The following SLC12A7 variants were observed in gnomAD, a reference collection of about 807,000 sequenced individuals.
SLC12A7 encodes the protein K-Cl cotransporter 4.
In SLC12A7, 100 loss-of-function variants were observed where a neutral mutation model predicts 120.6. The ratio of observed to expected loss-of-function variants is 0.83; its 90% CI spans 0.71 to 0.98. SLC12A7 has a LOEUF of 0.98. Among genes scored for constraint, SLC12A7 ranks in the 50% least tolerant of loss-of-function variants. The pLI is 0.00. For missense variants in SLC12A7, 1,373 were observed against 1,548.1 expected (o/e 0.89, Z 1.90); for synonymous variants, 760 against 678.0 (o/e 1.12, Z -1.88).
chr5:1,085,204 C>A, intron 7 of SLC12A7, 28 bp downstream of exon 7: 1 of 1,608,910 alleles, frequency 6.2e-7, no homozygotes, highest in East Asian at 2.2e-5. Context: ...CCCACACCCA[C>A]CCACGGCTCA....
At chr5:1,058,806 A>G (rs980485904) in intron 21 of SLC12A7, among the ~76,000 whole-genome samples, 7 of 152,138 alleles carry the variant, frequency 4.6e-5, no homozygotes, top group Admixed American at 3.3e-4. Flanking sequence ...CTCTCGGCAG[A>G]GCCAGCGCCG....
At chr5:1,078,110 C>T (rs370362789) in intron 11 of SLC12A7, 103 bp from the exon 12 acceptor site, 44 of 1,358,928 alleles carry the variant, frequency 3.2e-5, no homozygotes, top group African/African-American at 1.5e-4. Flanking sequence ...GCAGTGGGGG[C>T]GACTCCTTGG....
At chr5:1,094,090 T>C in intron 2 of SLC12A7, 64 bp downstream of exon 2, 10 of 1,385,792 alleles carry the variant, frequency 7.2e-6, no homozygotes, top group Non-Finnish European at 1.0e-5. Flanking sequence ...CCCCAGGGGC[T>C]CCTTTACTTT....
intron 15 of SLC12A7, among the ~76,000 whole-genome samples, chr5:1,074,930 C>T (rs1038100786): frequency 1.1e-4 from 16 of 145,790 alleles, no homozygotes; most frequent in Non-Finnish European, 1.7e-4. Flanking sequence ...CCTCACAGGA[C>T]GGGGGACAGG....
intron 14 of SLC12A7, chr5:1,075,743 G>A (rs531392989): frequency 2.4e-5 from 13 of 532,506 alleles, no homozygotes; most frequent in Non-Finnish European, 4.0e-5. Flanking sequence ...ACAGCACCTC[G>A]GCTGTGCATG....
chr5:1,090,913 G>C lies in SLC12A7; in HGVS notation c.343-1785C>G, dbSNP rs1579405421. Among the ~76,000 whole-genome samples the C allele has an allele frequency of 2.6e-5, 4 of 152,324 alleles. No homozygotes were observed. The South Asian group carries it at 8.3e-4, about 32-fold the overall frequency. ...GGGCCCTTGAAAAGGCTCCTCAATG[G>C]GAGCAGGTCTGCTGGGGATGAGCCT... On this transcript the variant is annotated intron_variant, in intron 3 of 23. Transcript: ENST00000264930.
intron 1 of SLC12A7, among the ~76,000 whole-genome samples, chr5:1,101,947 G>C (rs1742063385): frequency 6.6e-6 from 1 of 152,190 alleles, no homozygotes; most frequent in African/African-American, 2.4e-5. Context: ...CACTTCCCCA[G>C]CTCCCTCCCT....
At chr5:1,095,221 A>T (rs1256257248) in intron 1 of SLC12A7, among the ~76,000 whole-genome samples, 1 of 152,196 alleles carries the variant, frequency 6.6e-6, no homozygotes, top group Non-Finnish European at 1.5e-5. Context: ...GCCTTGGTCT[A>T]AGACTTTCAG....
intron 22 of SLC12A7, among the ~76,000 whole-genome samples, chr5:1,055,132 A>G (rs1258052300): frequency 1.3e-5 from 2 of 152,198 alleles, no homozygotes; most frequent in Non-Finnish European, 2.9e-5. Flanking sequence ...ACTAATGTGT[A>G]TACGCACACA....
At position 1,075,379 on chromosome 5, in the gene SLC12A7, C is replaced by T. The variant is rs759811627; in HGVS notation, c.1959G>A (p.Glu653=). ...LIAGCIYKYI[E]YRGAEKEWGD... ...GGGCTGACAGCGCTTACCCGCGGTA[C>T]TCGATGTACTTGTAGATGCAGCCAG... is the stretch of plus-strand genomic sequence containing the variant. Residue 653 remains glutamate (E), a synonymous_variant, in exon 15 of 24, where the codon GAG becomes GAA. Coordinates refer to ENST00000264930, the MANE Select transcript of SLC12A7 (RefSeq NM_006598.3). 8 of 1,611,452 alleles carry T rather than the reference C, an allele frequency of 5.0e-6. No homozygotes were observed. The South Asian group carries it at 8.8e-5, about 18-fold the overall frequency.
intron 14 of SLC12A7, 77 bp from the exon 15 acceptor site, chr5:1,075,567 T>G (rs1322018261): frequency 6.6e-7 from 1 of 1,526,398 alleles, no homozygotes; most frequent in Non-Finnish European, 8.8e-7. Context: ...ACACGGACAC[T>G]GCCCCTCCCT....
In SLC12A7 at chr5:1,077,890, C is replaced by G. The variant is rs545445568; in HGVS notation, c.1572G>C (p.Thr524=). The change falls in exon 12 of 24, where the codon ACG becomes ACC. Residue 524 remains threonine, a synonymous_variant. Coordinates refer to ENST00000264930, the MANE Select transcript of SLC12A7 (RefSeq NM_006598.3). The part of the protein sequence containing the change: ...STCGAGLQSL[T]GAPRLLQAIA... ...TGGCCTGCAGTAGGCGCGGTGCCCC[C>G]GTGAGGCTCTGCAGGCCGGCACCGC... 1 of 1,598,802 alleles carries G rather than the reference C, an allele frequency of 6.3e-7. No homozygotes were observed. Among genetic ancestry groups the G allele is most frequent in the East Asian group, 2.3e-5 (1 of 43,956 alleles).
chr5:1,097,658 G>A (rs527362410), intron 1 of SLC12A7, among the ~76,000 whole-genome samples: 236 of 152,260 alleles, frequency 1.5e-3, no homozygotes, highest in African/African-American at 4.9e-3. Context: ...TAACACAGAC[G>A]ATGAGTCCAG....
At position 1,065,419 on chromosome 5, in the gene SLC12A7, C is replaced by G. The variant is rs550543693; in HGVS notation, c.2301G>C (p.Ser767=). 6.2e-7 allele frequency: 1 copy of G among 1,611,978 alleles called. No individual in the cohort carries two copies. The highest frequency in any genetic ancestry group is 1.7e-5 in the Admixed American group (1 of 59,872). Residue 767 remains serine, a synonymous_variant, in exon 18 of 24, where the codon TCG becomes TCC. Coordinates refer to ENST00000264930, the MANE Select transcript of SLC12A7 (RefSeq NM_006598.3). Reference sequence around the variant, plus strand: ...GGGACATGCCATCCCGCAGGCTGGACGAGACCACCAGCTGGCAGAAGCCCT... The same window carrying G: ...GGGACATGCCATCCCGCAGGCTGGAGGAGACCACCAGCTGGCAGAAGCCCT... ...KTKGFCQLVV[S]SSLRDGMSHL... is the part of the protein sequence containing the mutation.
At chr5:1,140,100 C>A in the SLC12A7 span, among the ~76,000 whole-genome samples, 1 of 152,234 alleles carries the variant, frequency 6.6e-6, no homozygotes, top group South Asian at 2.1e-4. Flanking sequence ...GCCTTGGCCT[C>A]AACCAGCACC....
At chr5:1,081,862 G>C (rs1357507649) in intron 8 of SLC12A7, 118 bp from the exon 9 acceptor site, 31 of 1,210,662 alleles carry the variant, frequency 2.6e-5, no homozygotes, top group Non-Finnish European at 3.4e-5. Flanking sequence ...GTCACAGCTT[G>C]TGCGCCGCAA....
the SLC12A7 span, among the ~76,000 whole-genome samples, chr5:1,141,206 CTG>C: frequency 6.6e-6 from 1 of 152,232 alleles, no homozygotes; most frequent in East Asian, 1.9e-4. Flanking sequence ...CGTCCCTGCT[CTG>C]TGAGTGTCTA....
chr5:1,138,605 G>C, the SLC12A7 span, among the ~76,000 whole-genome samples: 1 of 152,170 alleles, frequency 6.6e-6, no homozygotes, highest in East Asian at 1.9e-4. Flanking sequence ...ACATAAACTG[G>C]GGCGACTTCA....
intron 23 of SLC12A7, 142 bp from the exon 24 acceptor site, chr5:1,052,593 G>C (rs900038983): frequency 7.4e-6 from 5 of 678,206 alleles, no homozygotes; most frequent in Non-Finnish European, 1.3e-5. Context: ...AGAGAGGTGG[G>C]GATTAGAGAG....
Sources: gnomAD v4.1 joint callset for allele counts (sites outside exome capture counted in the v4.1 genomes callset) on GRCh38, gnomAD v4.1.1 for gene constraint, MANE v1.5 for transcripts, NCBI Gene and HGNC (gene_info 2026-07-23, HGNC 2026-07-21) for gene names.